Variants in CCDC186 observed in about 807,000 individuals in gnomAD.
CCDC186 encodes the protein coiled-coil domain-containing protein 186.
Under a neutral mutation model 113.7 loss-of-function variants are expected in CCDC186, and 49 were observed. The observed-to-expected ratio is 0.43, with a 90% CI of 0.34 to 0.55. The LOEUF (loss-of-function observed/expected upper bound fraction) is 0.55. CCDC186 is among the 20% of genes least tolerant of loss of function. The pLI is 0.02. For missense variants in CCDC186, 890 were observed against 1,011.1 expected, an observed-to-expected ratio of 0.88 and a Z score of 1.62; for synonymous variants, 355 against 345.8, an observed-to-expected ratio of 1.03 and a Z score of -0.30.
intron 13 of CCDC186, 35 bp downstream of exon 13, chr10:114,129,856 T>C: frequency 6.3e-7 from 1 of 1,582,504 alleles, no homozygotes. Flanking sequence ...TTTATATCAA[T>C]CATGAAATAA....
chr10:114,169,613 C>T (rs1043916704), intron 1 of CCDC186, among the ~76,000 whole-genome samples: 12 of 152,272 alleles, frequency 7.9e-5, no homozygotes, highest in Non-Finnish European at 1.8e-4. Flanking sequence ...GAACTTGAGA[C>T]CACTCCTGTT....
chr10:114,162,972 T>C lies in CCDC186; in HGVS notation c.297A>G (p.Gly99=), dbSNP rs1330720912. ...NSEQIANFPS[G]NFAKHISKTN... ...TTTTTGAAATATGTTTAGCAAAATT[T>C]CCACTAGGAAAATTAGCTATTTGTT... Residue 99 remains glycine, a synonymous_variant, in exon 2 of 16, where the codon GGA becomes GGG. Coordinates refer to ENST00000369287, the MANE Select transcript of CCDC186 (RefSeq NM_018017.4). 6.2e-7 allele frequency: 1 copy of C among 1,613,642 alleles called. No individual in the cohort carries two copies. The highest frequency in any genetic ancestry group is 1.7e-5 in the Admixed American group (1 of 59,972).
rs777348605 is a variant in CCDC186, at chr10:114,157,618, T to C, written c.695A>G (p.Asn232Ser). The change falls in exon 3 of 16, where the codon AAT (asparagine) becomes AGT (serine). Residue 232 changes from asparagine (N) to serine (S), a missense_variant. Physicochemically the swap from Asn to Ser is conservative, Grantham distance 46. Coordinates refer to ENST00000369287, the MANE Select transcript of CCDC186 (RefSeq NM_018017.4). Reference protein sequence around the residue: ...LFVDICSEKDNLREELKKRTE... With the variant: ...LFVDICSEKDSLREELKKRTE... ...TCTTTTCTTTAGTTCTTCTCTTAAA[T>C]TGTCTTTTTCTGAACAAATGTCTAC... The C allele has an allele frequency of 1.3e-4, 211 of 1,610,796 alleles. No homozygotes were observed. Among genetic ancestry groups the C allele is most frequent in the Non-Finnish European group, 1.8e-4 (209 of 1,178,760 alleles).
rs146603854 is a variant in CCDC186, at chr10:114,166,037, G to A, written c.-61-2708C>T. ...GTTTTTTGTAGTAACCAAAAGTGGC[G>A]GCAAAGTTACATCGGACCAAGGGAT... On this transcript the variant is annotated intron_variant, in intron 1 of 15. Transcript: ENST00000369287. The A allele has an allele frequency of 6.3e-5, 36 of 571,432 alleles. 1 individual carries two copies. In the East Asian group the frequency reaches 1.0e-3, roughly 16 times the overall value. 35.4% of individuals were successfully genotyped at this position (571,432 alleles called of 1,614,324 possible).
At chr10:114,165,908 G>A in intron 1 of CCDC186, 8 of 981,540 alleles carry the variant, frequency 8.2e-6, no homozygotes, top group Non-Finnish European at 9.6e-6. Context: ...ACCTCTTCAT[G>A]CCAAGCAGCT....
intron 6 of CCDC186, among the ~76,000 whole-genome samples, chr10:114,137,840 C>G (rs1362304739): frequency 6.6e-6 from 1 of 151,560 alleles, no homozygotes; most frequent in Non-Finnish European, 1.5e-5. Context: ...AGTTTGAGAC[C>G]AGCCTGACCA....
At chr10:114,173,396 C>T in intron 1 of CCDC186, 1 of 315,348 alleles carries the variant, frequency 3.2e-6, no homozygotes, top group South Asian at 2.5e-5. Context: ...TTTGTTTTTG[C>T]CATTTTTCAT....
At chr10:114,164,216 G>A (rs988614631) in intron 1 of CCDC186, among the ~76,000 whole-genome samples, 2 of 147,842 alleles carry the variant, frequency 1.4e-5, no homozygotes, top group African/African-American at 5.0e-5. Flanking sequence ...TGCCTCCCAG[G>A]TTCCAGCAAT....
intron 1 of CCDC186, chr10:114,173,334 C>T (rs781525746): frequency 5.7e-6 from 2 of 347,924 alleles, no homozygotes; most frequent in East Asian, 7.7e-5. Flanking sequence ...AATACTCACA[C>T]CTGCACTGTT....
In CCDC186 at chr10:114,127,540, G is replaced by T. The variant is rs750628801; in HGVS notation, c.2314C>A (p.His772Asn). 1.2e-6 allele frequency: 2 copies of T among 1,613,856 alleles called. No homozygotes were observed. Among genetic ancestry groups the T allele is most frequent in the African/African-American group, 2.7e-5 (2 of 74,880 alleles). ...IERIVRLQKAHARKNEKIEFM... is the reference protein window; with the variant it reads ...IERIVRLQKANARKNEKIEFM... ...TCTATCTTTTCATTTTTCCGGGCAT[G>T]TGCTTTTTGCAGCCTAACTATTCTC... Residue 772 changes from histidine to asparagine, a missense_variant, in exon 14 of 16, where the codon CAT becomes AAT. Coordinates refer to ENST00000369287, the MANE Select transcript of CCDC186 (RefSeq NM_018017.4).
rs1025211122 is a variant in CCDC186 at position 114,121,799 on chromosome 10, C to T, written c.*3344G>A. The T allele has an allele frequency of 2.0e-5, 3 of 152,054 alleles. No individual in the cohort carries two copies. Among genetic ancestry groups the T allele is most frequent in the East Asian group, 3.8e-4 (2 of 5,204 alleles). 9.4% of individuals were successfully genotyped at this position (152,054 alleles called of 1,614,324 possible). Reference sequence around the variant, plus strand: ...AAGATCTGCTCTGATTGTCTCCTAGCTATTTTCTTTCCTCTTTTTTTTTTG... The same window carrying T: ...AAGATCTGCTCTGATTGTCTCCTAGTTATTTTCTTTCCTCTTTTTTTTTTG... On this transcript the variant is annotated 3_prime_UTR_variant, in exon 16 of 16. Coordinates refer to ENST00000369287, the MANE Select transcript of CCDC186 (RefSeq NM_018017.4).
Position 114,138,282 on chromosome 10 carries a change from CAT to C in CCDC186, c.1222-994_1222-993del, listed in dbSNP as rs1317243198. Among the ~76,000 whole-genome samples the C allele has an allele frequency of 1.7e-3, 223 of 128,552 alleles. 2 individuals carry two copies. The highest frequency in any genetic ancestry group is 6.4e-3 in the African/African-American group (214 of 33,260). The allele number at this position is 128,552 out of a possible 152,430, so 84.3% of individuals were successfully genotyped here. On this transcript the variant is annotated intron_variant, in intron 6 of 15. Transcript: ENST00000369287. ...CAAAACAAAACAAAACAAAACAAAA[CAT>C]AAAAACTTTTTTTTTTTTTTTTTTT...
chr10:114,129,994 C>A (rs747014319), intron 12 of CCDC186, 23 bp from the exon 13 acceptor site: 2 of 1,605,206 alleles, frequency 1.2e-6, no homozygotes, highest in South Asian at 2.2e-5. Flanking sequence ...GAAGATTATT[C>A]GTCACAATTA....
At chr10:114,149,810 A>AAGGAAGGCAGGAAGGCAGGAAGGC (rs1478592932) in intron 4 of CCDC186, among the ~76,000 whole-genome samples, 2 of 60,292 alleles carry the variant, frequency 3.3e-5, no homozygotes. Context: ...GGAAGGAAGG[A>AAGGAAGGCAGGAAGGCAGGAAGGC]AGGAAGGCAG....
chr10:114,170,709 T>C (rs900195035), intron 1 of CCDC186, among the ~76,000 whole-genome samples: 2 of 152,150 alleles, frequency 1.3e-5, no homozygotes, highest in African/African-American at 4.8e-5. Flanking sequence ...GAAAAGTTTG[T>C]TTTATGAGAC....
intron 7 of CCDC186, among the ~76,000 whole-genome samples, chr10:114,136,549 T>C (rs897777968): frequency 1.3e-5 from 2 of 152,238 alleles, no homozygotes; most frequent in African/African-American, 2.4e-5. Flanking sequence ...AAAGAAAGCA[T>C]TGCAATTAAG....
intron 14 of CCDC186, among the ~76,000 whole-genome samples, chr10:114,126,970 T>C (rs1411124755): frequency 1.3e-5 from 2 of 152,308 alleles, no homozygotes; most frequent in Admixed American, 1.3e-4. Context: ...CATTTAGTGA[T>C]GTGACCTGAG....
In CCDC186 at chr10:114,145,634, G is replaced by C. The variant is rs1268545213; in HGVS notation, c.1016C>G (p.Ala339Gly). 6.2e-7 allele frequency: 1 copy of C among 1,613,264 alleles called. No individual in the cohort carries two copies. The highest frequency in any genetic ancestry group is 1.7e-5 in the Admixed American group (1 of 59,866). ...KETLEKKLRDANKELEKNTNK... is the reference protein window; with the variant it reads ...KETLEKKLRDGNKELEKNTNK... The stretch of plus-strand genomic sequence containing the variant: ...AGTGTTTTTCTCAAGTTCCTTATTT[G>C]CATCTCTAAGTTTTTTCTCAAGTGT... The change falls in exon 5 of 16, where the codon GCA (alanine) becomes GGA (glycine). Residue 339 changes from alanine (A) to glycine (G), a missense_variant. Ala to Gly is a moderately conservative substitution (Grantham distance 60). Coordinates refer to ENST00000369287, the MANE Select transcript of CCDC186 (RefSeq NM_018017.4).
chr10:114,165,802 C>T (rs2032319122), intron 1 of CCDC186: 3 of 744,168 alleles, frequency 4.0e-6, no homozygotes, highest in Non-Finnish European at 4.9e-6. Flanking sequence ...GGGCCAAGAT[C>T]GTGCCATTGC....
Sources: gnomAD v4.1 joint callset for allele counts (sites outside exome capture counted in the v4.1 genomes callset) on GRCh38, gnomAD v4.1.1 for gene constraint, MANE v1.5 for transcripts, NCBI Gene and HGNC (gene_info 2026-07-23, HGNC 2026-07-21) for gene names.